The following DCAF8L2 variants were observed in gnomAD, a reference collection of about 807,000 sequenced individuals.
DCAF8L2 encodes the protein DDB1 and CUL4 associated factor 8 like 2, also known as DDB1- and CUL4-associated factor 8-like protein 2.
For missense variants in DCAF8L2, 430 were observed against 490.7 expected (o/e 0.88, Z 1.17); for synonymous variants, 200 against 190.9 (o/e 1.05, Z -0.39).
chrX:27,471,925 C>T, the DCAF8L2 span, among the ~76,000 whole-genome samples: 3 of 111,676 alleles, frequency 2.7e-5, no homozygotes, highest in Non-Finnish European at 5.6e-5. Flanking sequence ...AATTCAATTC[C>T]TCCTCATATT....
At chrX:27,540,841 C>A in the DCAF8L2 span, among the ~76,000 whole-genome samples, 2 of 106,309 alleles carry the variant, frequency 1.9e-5, no homozygotes, top group African/African-American at 6.8e-5. Context: ...CATTAAGTCC[C>A]CCATATGTAC....
the DCAF8L2 span, among the ~76,000 whole-genome samples, chrX:27,494,182 C>T: frequency 0.023 from 2,579 of 110,775 alleles, 86 homozygotes; most frequent in African/African-American, 0.08. Context: ...CCAAGGTGGG[C>T]GGATCATGAG....
the DCAF8L2 span, among the ~76,000 whole-genome samples, chrX:27,575,857 G>T: frequency 1.8e-5 from 2 of 111,886 alleles, no homozygotes; most frequent in African/African-American, 6.5e-5. Context: ...GTGGTGAGTG[G>T]GACCTGTAAC....
At chrX:27,563,639 C>A in the DCAF8L2 span, among the ~76,000 whole-genome samples, 1 of 112,030 alleles carries the variant, frequency 8.9e-6, no homozygotes, top group Admixed American at 9.5e-5. Flanking sequence ...GAACCTATGT[C>A]AATTTAAGCA....
At position 27,747,949 on chromosome X, in the gene DCAF8L2, C is replaced by G; in HGVS notation, c.1054C>G (p.Arg352Gly). ...VVFTIDLRQD[R>G]PASKVVVTRE... ...CTTCACCATTGACCTCAGACAAGAC[C>G]GGCCAGCTTCAAAAGTTGTGGTAAC... The change falls in exon 5 of 5, where the codon CGG becomes GGG. Residue 352 changes from arginine to glycine, a missense_variant. Arg to Gly is a moderately radical substitution (Grantham distance 125). Transcript: ENST00000451261. 1 of 1,211,360 alleles carries G rather than the reference C, an allele frequency of 8.3e-7. No homozygotes were observed.
At chrX:27,589,898 T>C (rs1030568438), upstream of DCAF8L2, among the ~76,000 whole-genome samples, 1 of 111,978 alleles carries the variant, frequency 8.9e-6, no homozygotes, top group Non-Finnish European at 1.9e-5. Context: ...GATATTACCA[T>C]ATCTACCATT....
chrX:27,612,178 T>G (rs948936950), intron 1 of DCAF8L2, among the ~76,000 whole-genome samples: 1 of 112,046 alleles, frequency 8.9e-6, no homozygotes, highest in African/African-American at 3.2e-5. Context: ...TTGATTTGCA[T>G]TTCTCTCATG....
chrX:27,611,920 T>C (rs1461623804), intron 1 of DCAF8L2, among the ~76,000 whole-genome samples: 1 of 111,603 alleles, frequency 9.0e-6, no homozygotes, highest in Non-Finnish European at 1.9e-5. Context: ...GCATGTTCTT[T>C]ACAGTAGCAT....
intron 3 of DCAF8L2, among the ~76,000 whole-genome samples, chrX:27,701,361 A>G (rs1179715485): frequency 9.0e-6 from 1 of 111,389 alleles, no homozygotes; most frequent in Non-Finnish European, 1.9e-5. Flanking sequence ...CTTTAGCAAT[A>G]CTGTAAAGTG....
chrX:27,487,503 G>A, the DCAF8L2 span, among the ~76,000 whole-genome samples: 1 of 111,402 alleles, frequency 9.0e-6, no homozygotes, highest in Non-Finnish European at 1.9e-5. Context: ...GGCTGGTCTT[G>A]AACTCCTGAC....
At chrX:27,504,251 C>T in the DCAF8L2 span, among the ~76,000 whole-genome samples, 3 of 112,280 alleles carry the variant, frequency 2.7e-5, no homozygotes, top group East Asian at 8.4e-4. Context: ...GTAGTGGAAA[C>T]TCACATTCCT....
chrX:27,604,227 A>G (rs1456415910), intron 1 of DCAF8L2, among the ~76,000 whole-genome samples: 3 of 111,459 alleles, frequency 2.7e-5, no homozygotes. Flanking sequence ...TTCTTAAGGT[A>G]GCTAAAGCAT....
intron 1 of DCAF8L2, among the ~76,000 whole-genome samples, chrX:27,606,363 A>C: frequency 1.4e-5 from 1 of 71,629 alleles, no homozygotes; most frequent in Admixed American, 1.6e-4. Flanking sequence ...CTAGGAATAT[A>C]TATATATATA....
intron 4 of DCAF8L2, among the ~76,000 whole-genome samples, chrX:27,733,687 T>C (rs1165726572): frequency 9.0e-6 from 1 of 111,688 alleles, no homozygotes; most frequent in East Asian, 2.8e-4. Flanking sequence ...CTTTAATCCA[T>C]TTCCATTTGA....
chrX:27,531,975 A>G, the DCAF8L2 span, among the ~76,000 whole-genome samples: 1 of 111,535 alleles, frequency 9.0e-6, no homozygotes, highest in African/African-American at 3.3e-5. Context: ...GAGATGTTAT[A>G]TTGCTAACCT....
At chrX:27,681,520 A>G (rs1215778687) in intron 3 of DCAF8L2, among the ~76,000 whole-genome samples, 1 of 111,761 alleles carries the variant, frequency 8.9e-6, no homozygotes, top group Non-Finnish European at 1.9e-5. Flanking sequence ...AAAGCAACAA[A>G]AATATACAGT....
At chrX:27,496,398 C>T in the DCAF8L2 span, among the ~76,000 whole-genome samples, 2,610 of 111,463 alleles carry the variant, frequency 0.023, 88 homozygotes, top group African/African-American at 0.08. Context: ...TGTTCCCTGC[C>T]ACATTTCCTT....
the DCAF8L2 span, among the ~76,000 whole-genome samples, chrX:27,544,031 C>T: frequency 9.0e-6 from 1 of 111,564 alleles, no homozygotes; most frequent in Non-Finnish European, 1.9e-5. Context: ...TCTCTATGGT[C>T]CCCCTTTTTT....
the DCAF8L2 span, among the ~76,000 whole-genome samples, chrX:27,552,515 A>G: frequency 3.6e-5 from 4 of 111,753 alleles, no homozygotes; most frequent in Non-Finnish European, 1.9e-5. Flanking sequence ...TCTGCATATG[A>G]ATGTCCAGTT....
Sources: gnomAD v4.1 joint callset for allele counts (sites outside exome capture counted in the v4.1 genomes callset) on GRCh38, gnomAD v4.1.1 for gene constraint, MANE v1.5 for transcripts, NCBI Gene and HGNC (gene_info 2026-07-23, HGNC 2026-07-21) for gene names.